The following HIVEP3 variants were observed in gnomAD, a reference collection of about 807,000 sequenced individuals.
HIVEP3 encodes the protein HIVEP zinc finger 3.
A neutral mutation model predicts 152.8 loss-of-function variants in HIVEP3; 49 were observed. That is an observed-to-expected ratio of 0.32 (90% CI 0.26 to 0.41). The LOEUF is 0.41. Ranked by LOEUF, HIVEP3 falls within the 10% of genes least tolerant of loss-of-function variation. The pLI, the probability that HIVEP3 is intolerant of heterozygous loss-of-function variation, is 1.00. For missense variants in HIVEP3, 2,790 were observed against 3,103.3 expected, an observed-to-expected ratio of 0.90 and a Z score of 2.40; for synonymous variants, 1,269 against 1,289.0, an observed-to-expected ratio of 0.98 and a Z score of 0.33.
intron 1 of HIVEP3, among the ~76,000 whole-genome samples, chr1:41,785,612 T>C (rs1649300591): frequency 6.6e-6 from 1 of 152,196 alleles, no homozygotes; most frequent in South Asian, 2.1e-4. Context: ...AAATTATCCA[T>C]GATAATATTA....
chr1:42,013,510 C>T (rs1049567212), intron 1 of HIVEP3, among the ~76,000 whole-genome samples: 15 of 152,292 alleles, frequency 9.8e-5, no homozygotes, highest in African/African-American at 3.6e-4. Flanking sequence ...GGAGCCCTAC[C>T]TGTTTATTTA....
chr1:41,704,457 G>C (rs1267332687), intron 1 of HIVEP3, among the ~76,000 whole-genome samples: 1 of 152,270 alleles, frequency 6.6e-6, no homozygotes, highest in Non-Finnish European at 1.5e-5. Flanking sequence ...GCAAGCGCCA[G>C]TGCCAGCAAC....
intron 1 of HIVEP3, among the ~76,000 whole-genome samples, chr1:41,717,983 CAG>C (rs1646619399): frequency 6.6e-6 from 1 of 152,200 alleles, no homozygotes; most frequent in African/African-American, 2.4e-5. Context: ...TAGTGGAGAT[CAG>C]AGATTATGGG....
chr1:41,825,990 T>A (rs1016702965), intron 1 of HIVEP3, among the ~76,000 whole-genome samples: 8 of 152,002 alleles, frequency 5.3e-5, no homozygotes. Flanking sequence ...AAGAGAGTAA[T>A]GAGTAATGAG....
intron 1 of HIVEP3, among the ~76,000 whole-genome samples, chr1:41,888,542 A>G (rs1045089977): frequency 6.6e-6 from 1 of 151,780 alleles, no homozygotes; most frequent in Non-Finnish European, 1.5e-5. Context: ...AGGAAATAGA[A>G]CCTAAAGTGA....
At chr1:41,857,984 T>C (rs1445251686) in intron 1 of HIVEP3, among the ~76,000 whole-genome samples, 2 of 25,128 alleles carry the variant, frequency 8.0e-5, no homozygotes, top group Non-Finnish European at 1.6e-4. Flanking sequence ...AATCAATCAA[T>C]CTCTCTCTCT....
At chr1:41,535,046 T>C (rs1159468181) in intron 5 of HIVEP3, among the ~76,000 whole-genome samples, 2 of 152,138 alleles carry the variant, frequency 1.3e-5, no homozygotes. Flanking sequence ...ATCAACCATT[T>C]TACCATCGTC....
intron 1 of HIVEP3, among the ~76,000 whole-genome samples, chr1:41,949,710 T>C (rs557282148): frequency 2.6e-5 from 4 of 152,296 alleles, no homozygotes; most frequent in Non-Finnish European, 5.9e-5. Flanking sequence ...GGACCCTGTA[T>C]CTTTAACCTC....
At chr1:41,547,808 T>C (rs1380828404) in intron 5 of HIVEP3, among the ~76,000 whole-genome samples, 1 of 152,194 alleles carries the variant, frequency 6.6e-6, no homozygotes, top group Non-Finnish European at 1.5e-5. Context: ...CTCTTCCATT[T>C]GATGGAAAAG....
At chr1:41,742,565 T>C (rs1032043732) in intron 1 of HIVEP3, among the ~76,000 whole-genome samples, 1 of 152,252 alleles carries the variant, frequency 6.6e-6, no homozygotes, top group African/African-American at 2.4e-5. Context: ...ATGAACAGGG[T>C]ATTCCCCATA....
intron 1 of HIVEP3, among the ~76,000 whole-genome samples, chr1:41,937,271 T>C (rs1037036658): frequency 6.6e-6 from 1 of 152,118 alleles, no homozygotes; most frequent in Non-Finnish European, 1.5e-5. Context: ...TCTCCTGCAG[T>C]CCTGGGGTAC....
intron 1 of HIVEP3, among the ~76,000 whole-genome samples, chr1:42,028,517 G>A (rs1245859190): frequency 6.6e-6 from 1 of 151,902 alleles, no homozygotes; most frequent in Non-Finnish European, 1.5e-5. Flanking sequence ...AATCCTCCCT[G>A]CCTGAGGCTC....
intron 1 of HIVEP3, among the ~76,000 whole-genome samples, chr1:41,800,698 C>A (rs1301330426): frequency 6.6e-6 from 1 of 152,176 alleles, no homozygotes; most frequent in Non-Finnish European, 1.5e-5. Context: ...CAAATGTGTC[C>A]AGTGATAGAG....
At chr1:41,561,410 A>T (rs1295020438) in intron 5 of HIVEP3, among the ~76,000 whole-genome samples, 1 of 152,306 alleles carries the variant, frequency 6.6e-6, no homozygotes, top group South Asian at 2.1e-4. Flanking sequence ...ACAATGCCCG[A>T]AGATGGAAAA....
chr1:41,905,689 A>T (rs1216298431), intron 1 of HIVEP3, among the ~76,000 whole-genome samples: 1 of 152,174 alleles, frequency 6.6e-6, no homozygotes, highest in African/African-American at 2.4e-5. Flanking sequence ...TTTCTATGCC[A>T]AATTGTCTCT....
At chr1:41,591,846 A>C (rs1644592596) in intron 3 of HIVEP3, among the ~76,000 whole-genome samples, 1 of 152,096 alleles carries the variant, frequency 6.6e-6, no homozygotes, top group Admixed American at 6.5e-5. Context: ...TTGCCATTTG[A>C]TTCTGGGAGA....
chr1:41,899,531 C>T (rs930699157), intron 1 of HIVEP3, among the ~76,000 whole-genome samples: 4 of 152,072 alleles, frequency 2.6e-5, no homozygotes, highest in South Asian at 2.1e-4. Flanking sequence ...CTCAGCCTCC[C>T]GAGTAGCTGG....
chr1:41,723,051 G>A (rs1024447235), intron 1 of HIVEP3, among the ~76,000 whole-genome samples: 3 of 152,156 alleles, frequency 2.0e-5, no homozygotes, highest in African/African-American at 4.8e-5. Context: ...AGGCCATGGG[G>A]AGCTATTAAA....
intron 1 of HIVEP3, among the ~76,000 whole-genome samples, chr1:41,771,380 G>A (rs749737044): frequency 1.3e-5 from 2 of 152,002 alleles, no homozygotes; most frequent in Non-Finnish European, 2.9e-5. Flanking sequence ...AGGCTGACCT[G>A]GAGTAATAAT....
Sources: allele counts gnomAD v4.1 joint callset (sites outside exome capture counted in the v4.1 genomes callset), GRCh38; gene constraint gnomAD v4.1.1; transcripts MANE v1.5; gene names NCBI Gene and HGNC (gene_info 2026-07-23, HGNC 2026-07-21).